PCDHGA4: variants seen among roughly 807,000 people sequenced by gnomAD.
PCDHGA4 encodes protocadherin gamma subfamily A, 4, also known as protocadherin gamma-A4.
A neutral mutation model predicts 54.6 loss-of-function variants in PCDHGA4; 38 were observed. The ratio of observed to expected loss-of-function variants is 0.70; its 90% confidence interval spans 0.54 to 0.91. The LOEUF (loss-of-function observed/expected upper bound fraction) is 0.91. Among genes scored for constraint, PCDHGA4 ranks in the 40% least tolerant of loss-of-function variants. The pLI is 0.00. For synonymous variants in PCDHGA4, 511 were observed against 512.9 expected (o/e 1.00, Z 0.05); for missense variants, 1,298 against 1,220.9 (o/e 1.06, Z -0.94).
rs1562137380 is a variant in PCDHGA4, at chr5:141,490,297, G to T, written c.2515-4510G>T. On this transcript the variant is annotated intron_variant, in intron 1 of 3. Coordinates refer to ENST00000571252, the MANE Select transcript of PCDHGA4 (RefSeq NM_018917.4). This position sits in a 1 kb window ranked among gnomAD's most constrained non-coding sequence, Gnocchi z 5.4. The stretch of plus-strand genomic sequence containing the variant: ...TGACAATGCCCCAGAGGTGCTATTG[G>T]CCTCTTTGGCCAACCCTGTCCTAGA... 2 of 1,614,202 alleles carry T rather than the reference G, an allele frequency of 1.2e-6. No individual in the cohort carries two copies. Among genetic ancestry groups the T allele is most frequent in the South Asian group, 1.1e-5 (1 of 91,086 alleles).
chr5:141,356,555 T>C lies in PCDHGA4; in HGVS notation c.1448T>C (p.Phe483Ser), dbSNP rs1760254729. 1 of 1,613,964 alleles carries C rather than the reference T, an allele frequency of 6.2e-7. No homozygotes were observed. The highest frequency in any genetic ancestry group is 8.5e-7 in the Non-Finnish European group (1 of 1,180,000). ...GACATCAATGACAACCCACCCACTT[T>C]CCCTCATGCTTCCTACTCTGCTTAC... is the stretch of plus-strand genomic sequence containing the variant. ...VMDINDNPPTFPHASYSAYIP... is the reference protein window; with the variant it reads ...VMDINDNPPTSPHASYSAYIP... The change falls in exon 1 of 4, where the codon TTC (phenylalanine) becomes TCC (serine). Residue 483 changes from phenylalanine (F) to serine (S), a missense_variant. By Grantham distance (155) the Phe-to-Ser change is radical. Coordinates refer to ENST00000571252, the MANE Select transcript of PCDHGA4 (RefSeq NM_018917.4).
chr5:141,430,933 G>C (rs2097327058), intron 1 of PCDHGA4: 1 of 1,607,608 alleles, frequency 6.2e-7, no homozygotes, highest in East Asian at 2.2e-5. Flanking sequence ...AGCCCCGGGA[G>C]CTCGCGGAGC....
intron 1 of PCDHGA4, chr5:141,374,344 G>A (rs1770398551): frequency 6.2e-7 from 1 of 1,614,034 alleles, no homozygotes; most frequent in Non-Finnish European, 8.5e-7. Context: ...TGGTCACCGC[G>A]GGTAGGATAG....
intron 1 of PCDHGA4, chr5:141,376,307 G>C: frequency 6.2e-7 from 1 of 1,614,192 alleles, no homozygotes; most frequent in Non-Finnish European, 8.5e-7. Flanking sequence ...GCACTTTGTG[G>C]GCGTGGAAGG....
rs748223478 is a variant in PCDHGA4 at position 141,415,687 on chromosome 5, G to T, written c.2514+58066G>T. ...TTACTTTGAAGTTTGCGGCATGATG[G>T]TGGAAAGTGTAAATGCTAAAACACT... On this transcript the variant is annotated intron_variant, in intron 1 of 3. Coordinates refer to ENST00000571252, the MANE Select transcript of PCDHGA4 (RefSeq NM_018917.4). 1.1e-5 allele frequency: 17 copies of T among 1,535,300 alleles called. No individual in the cohort carries two copies. In the South Asian group the frequency reaches 1.3e-4, roughly 12 times the overall value.
At chr5:141,376,270 A>G (rs776888332) in intron 1 of PCDHGA4, 1 of 1,614,118 alleles carries the variant, frequency 6.2e-7, no homozygotes, top group African/African-American at 1.3e-5. Flanking sequence ...AGGCTTCGGG[A>G]GGTGGCTTAG....
chr5:141,420,330 C>G lies in PCDHGA4; in HGVS notation c.2514+62709C>G, dbSNP rs765696240. 711 of 1,399,258 alleles carry G rather than the reference C, an allele frequency of 5.1e-4. 1 individual carries two copies. The highest frequency in any genetic ancestry group is 6.5e-4 in the Non-Finnish European group (676 of 1,043,138). 86.7% of individuals were successfully genotyped at this position (1,399,258 alleles called of 1,614,324 possible). A position where few individuals can be genotyped will look rare whatever the true frequency, so the allele number is the denominator to read the frequency against. On this transcript the variant is annotated intron_variant, in intron 1 of 3. Coordinates refer to ENST00000571252, the MANE Select transcript of PCDHGA4 (RefSeq NM_018917.4). Reference sequence around the variant, plus strand: ...TTATATTACAATATGCCAATATATTCCAATATAGTGGTATTATTTTAAGAT... The same window carrying G: ...TTATATTACAATATGCCAATATATTGCAATATAGTGGTATTATTTTAAGAT...
chr5:141,436,048 T>G (rs553708148), intron 1 of PCDHGA4, among the ~76,000 whole-genome samples: 1 of 152,316 alleles, frequency 6.6e-6, no homozygotes, highest in South Asian at 2.1e-4. Context: ...TACATTAGTT[T>G]TCAAATAGAA....
intron 2 of PCDHGA4, among the ~76,000 whole-genome samples, chr5:141,501,258 T>G (rs2099806611): frequency 1.3e-5 from 2 of 150,950 alleles, no homozygotes; most frequent in South Asian, 4.2e-4. Flanking sequence ...GGGAGTATTT[T>G]ATTATAGTCC....
At chr5:141,463,367 C>G (rs1437952082) in intron 1 of PCDHGA4, among the ~76,000 whole-genome samples, 1 of 151,748 alleles carries the variant, frequency 6.6e-6, no homozygotes, top group African/African-American at 2.4e-5. Context: ...CCTTTCCTGC[C>G]CCACAGTCTG....
chr5:141,422,850 G>C (rs184432819), intron 1 of PCDHGA4: 30 of 1,614,086 alleles, frequency 1.9e-5, no homozygotes, highest in Middle Eastern at 1.6e-4. Flanking sequence ...GCGGGGACCC[G>C]CCCCTCAGCA....
In PCDHGA4 at chr5:141,382,029, A is replaced by C. The variant is rs574099831; in HGVS notation, c.2514+24408A>C. 4.6e-4 allele frequency among the ~76,000 whole-genome samples: 70 copies of C among 151,618 alleles called. 2 individuals carry two copies. The South Asian group carries it at 0.013, about 28-fold the overall frequency. On this transcript the variant is annotated intron_variant, in intron 1 of 3. Coordinates refer to ENST00000571252, the MANE Select transcript of PCDHGA4 (RefSeq NM_018917.4). Reference sequence around the variant, plus strand: ...TTTTTAGTAGAGACGGGGTTTCTCCATGTTGGTCAGGCTGGTCTCAAGCTC... The same window carrying C: ...TTTTTAGTAGAGACGGGGTTTCTCCCTGTTGGTCAGGCTGGTCTCAAGCTC...
At chr5:141,365,398 C>G in intron 1 of PCDHGA4, 1 of 1,613,978 alleles carries the variant, frequency 6.2e-7, no homozygotes, top group South Asian at 1.1e-5. Flanking sequence ...CCAGTTCGAT[C>G]TCTGAAGACT....
At chr5:141,496,602 C>A (rs981108050) in intron 2 of PCDHGA4, among the ~76,000 whole-genome samples, 5 of 152,150 alleles carry the variant, frequency 3.3e-5, no homozygotes, top group Admixed American at 1.3e-4. Flanking sequence ...TCTTAGAAGG[C>A]CCCTAAAAAG....
intron 1 of PCDHGA4, chr5:141,409,727 G>A (rs1000014772): frequency 6.2e-7 from 1 of 1,613,158 alleles, no homozygotes; most frequent in South Asian, 1.1e-5. Context: ...GTCAGTGAGC[G>A]CGCAGAGCGG....
At chr5:141,421,184 C>G (rs2096551183) in intron 1 of PCDHGA4, 1 of 1,457,940 alleles carries the variant, frequency 6.9e-7, no homozygotes, top group African/African-American at 1.4e-5. Context: ...CGATTCACAA[C>G]CAACCAGCTC....
chr5:141,487,968 T>C lies in PCDHGA4; in HGVS notation c.2515-6839T>C, dbSNP rs2099670029. Among the ~76,000 whole-genome samples the C allele has an allele frequency of 6.6e-6, 1 of 152,236 alleles. No individual in the cohort carries two copies. The highest frequency in any genetic ancestry group is 1.5e-5 in the Non-Finnish European group (1 of 68,050). On this transcript the variant is annotated intron_variant, in intron 1 of 3. Transcript: ENST00000571252. This position sits in a 1 kb window ranked among gnomAD's most constrained non-coding sequence, Gnocchi z 5.0. The stretch of plus-strand genomic sequence containing the variant: ...AGGCAGTCACTTGGACAAAGGTGGC[T>C]GTTTTCTCTACTCTTCCTGAAAGAG...
At chr5:141,460,650 T>C (rs1264813071) in intron 1 of PCDHGA4, among the ~76,000 whole-genome samples, 2 of 152,094 alleles carry the variant, frequency 1.3e-5, no homozygotes, top group East Asian at 3.9e-4. Flanking sequence ...TGTTTACACA[T>C]ATGTAACTGT....
intron 2 of PCDHGA4, 102 bp from the exon 3 acceptor site, chr5:141,505,291 G>A (rs2154593677): frequency 1.3e-6 from 2 of 1,565,092 alleles, no homozygotes; most frequent in Non-Finnish European, 1.7e-6. Context: ...TGGGCATGGG[G>A]TAGGGTTAGG....
Sources: gnomAD v4.1 joint callset for allele counts (sites outside exome capture counted in the v4.1 genomes callset) on GRCh38, gnomAD v4.1.1 for gene constraint, Gnocchi (gnomAD v3.1) non-coding constraint, MANE v1.5 for transcripts, NCBI Gene and HGNC (gene_info 2026-07-23, HGNC 2026-07-21) for gene names.